Variants in SLC4A4 observed in about 807,000 individuals in gnomAD.
The protein encoded by SLC4A4 is solute carrier family 4 member 4.
Under a neutral mutation model 111.5 loss-of-function variants are expected in SLC4A4, and 27 were observed. The ratio of observed to expected loss-of-function variants is 0.24; its 90% confidence interval spans 0.18 to 0.33. SLC4A4 has a LOEUF of 0.33. Among genes scored for constraint, SLC4A4 ranks in the 10% least tolerant of loss-of-function variants. The pLI, the probability that SLC4A4 is intolerant of heterozygous loss-of-function variation, is 1.00. For synonymous variants in SLC4A4, 443 were observed against 463.4 expected (o/e 0.96, Z 0.57); for missense variants, 909 against 1,315.5 (o/e 0.69, Z 4.78).
chr4:71,497,577 A>T lies in SLC4A4; in HGVS notation c.2051A>T (p.Asn684Ile), dbSNP rs35891845. ...AAATACGGAGGAAACCTCGTCGGGA[A>T]CAACTGTAATTTTGTTCCTGATATC... The part of the protein sequence containing the change: ...CSKYGGNLVG[N>I]NCNFVPDITL... Residue 684 changes from asparagine (N) to isoleucine (I), a missense_variant, in exon 16 of 26, where the codon AAC becomes ATC. Asn to Ile is a moderately radical substitution (Grantham distance 149). Around this residue, in one of 7 missense-constraint regions of SLC4A4, gnomAD observed 264 missense variants for 356.8 expected, o/e 0.74. Coordinates refer to ENST00000264485, the MANE Select transcript of SLC4A4 (RefSeq NM_001098484.3). 2.1e-3 allele frequency: 3,340 copies of T among 1,613,596 alleles called. 7 individuals are homozygous for T. The highest frequency in any genetic ancestry group is 2.6e-3 in the Non-Finnish European group (3,074 of 1,179,740).
chr4:71,252,879 A>G (rs1158597124), intron 2 of SLC4A4, among the ~76,000 whole-genome samples: 2 of 152,158 alleles, frequency 1.3e-5, no homozygotes, highest in Non-Finnish European at 2.9e-5. Flanking sequence ...CATTAAAATG[A>G]GTGGATTTTA....
At chr4:71,437,004 T>C in intron 7 of SLC4A4, 1 of 363,984 alleles carries the variant, frequency 2.7e-6, no homozygotes, top group Non-Finnish European at 5.3e-6. Context: ...TACTTTCTGT[T>C]AAATCAGCTA....
chr4:71,325,738 C>T (rs970751188), intron 3 of SLC4A4, among the ~76,000 whole-genome samples: 2 of 151,934 alleles, frequency 1.3e-5, no homozygotes, highest in African/African-American at 4.8e-5. Context: ...TCTCATTGCT[C>T]AGACCTGGGT....
At chr4:71,535,982 CA>C (rs1262821758) in intron 18 of SLC4A4, among the ~76,000 whole-genome samples, 3 of 152,076 alleles carry the variant, frequency 2.0e-5, no homozygotes, top group Non-Finnish European at 4.4e-5. Context: ...GTTGCAAATT[CA>C]GTTGGAAAAT....
chr4:71,545,594 G>T (rs1484347950), intron 18 of SLC4A4, among the ~76,000 whole-genome samples: 1 of 151,898 alleles, frequency 6.6e-6, no homozygotes, highest in African/African-American at 2.4e-5. Flanking sequence ...TTGTTACATT[G>T]TCTGCTCTTC....
At chr4:71,197,201 C>T (rs561267931) in intron 1 of SLC4A4, among the ~76,000 whole-genome samples, 86 of 152,062 alleles carry the variant, frequency 5.7e-4, no homozygotes, top group African/African-American at 1.3e-3. Context: ...GGCGACAGAG[C>T]GAGATTCCGT....
chr4:71,230,204 G>A (rs1719324959), intron 1 of SLC4A4, among the ~76,000 whole-genome samples: 1 of 152,170 alleles, frequency 6.6e-6, no homozygotes. Context: ...AGTACTGATT[G>A]TTATATTCTG....
chr4:71,416,249 T>C (rs979548744), intron 7 of SLC4A4, among the ~76,000 whole-genome samples: 4 of 152,322 alleles, frequency 2.6e-5, no homozygotes, highest in Non-Finnish European at 5.9e-5. Flanking sequence ...GAGTGAGGTA[T>C]GTTCCAAAAC....
intron 2 of SLC4A4, among the ~76,000 whole-genome samples, chr4:71,172,460 T>A (rs1442772928): frequency 6.6e-6 from 1 of 152,112 alleles, no homozygotes; most frequent in Non-Finnish European, 1.5e-5. Flanking sequence ...TTCACCATGT[T>A]GGCCAGGATG....
chr4:71,154,088 T>TA (rs1473490451), intron 2 of SLC4A4, among the ~76,000 whole-genome samples: 3 of 152,210 alleles, frequency 2.0e-5, no homozygotes, highest in Non-Finnish European at 4.4e-5. Context: ...AGGTGACCTC[T>TA]AAAAGGTCTA....
At chr4:71,506,662 A>G (rs1036915470) in intron 16 of SLC4A4, among the ~76,000 whole-genome samples, 28 of 152,078 alleles carry the variant, frequency 1.8e-4, no homozygotes, top group Non-Finnish European at 2.9e-5. Flanking sequence ...CCAGTTTGGA[A>G]AACGCATTTC....
chr4:71,219,414 C>T (rs565258153), intron 1 of SLC4A4, among the ~76,000 whole-genome samples: 6 of 152,228 alleles, frequency 3.9e-5, no homozygotes, highest in Middle Eastern at 6.8e-3. Flanking sequence ...TTAAGCTCAC[C>T]GTTGAGACCT....
At chr4:71,526,020 A>G (rs897990377) in intron 16 of SLC4A4, among the ~76,000 whole-genome samples, 1 of 152,058 alleles carries the variant, frequency 6.6e-6, no homozygotes, top group African/African-American at 2.4e-5. Context: ...TGTATCTAGT[A>G]GACTATGTAC....
chr4:71,439,119 C>T (rs987838579), intron 7 of SLC4A4, among the ~76,000 whole-genome samples: 45 of 151,704 alleles, frequency 3.0e-4, no homozygotes, highest in African/African-American at 1.1e-3. Flanking sequence ...CTCTGGTGTC[C>T]ACTGTAACAG....
chr4:71,401,779 T>G (rs568745381), intron 7 of SLC4A4, among the ~76,000 whole-genome samples: 1 of 152,216 alleles, frequency 6.6e-6, no homozygotes, highest in Non-Finnish European at 1.5e-5. Flanking sequence ...TTTTCCAGGT[T>G]TATTAATAAT....
At chr4:71,453,046 G>T (rs529716669) in intron 11 of SLC4A4, among the ~76,000 whole-genome samples, 3 of 152,274 alleles carry the variant, frequency 2.0e-5, no homozygotes, top group African/African-American at 7.2e-5. Flanking sequence ...GTGCCAGAGT[G>T]TGGGCATATC....
At chr4:71,484,909 T>C (rs546563820) in intron 14 of SLC4A4, among the ~76,000 whole-genome samples, 1 of 151,960 alleles carries the variant, frequency 6.6e-6, no homozygotes, top group East Asian at 1.9e-4. Context: ...TTTATTCTTT[T>C]TGTGGCAATT....
At chr4:71,193,350 A>G (rs2579363) in intron 1 of SLC4A4, among the ~76,000 whole-genome samples, 150,562 of 151,200 alleles carry the variant, frequency 1, 74,970 homozygotes, top group Middle Eastern at 1. Context: ...TAGTAGAGAC[A>G]GGGTTTCACC....
At chr4:71,176,564 G>A (rs564015230) in intron 2 of SLC4A4, among the ~76,000 whole-genome samples, 1 of 152,218 alleles carries the variant, frequency 6.6e-6, no homozygotes, top group Non-Finnish European at 1.5e-5. Flanking sequence ...TGATCAACTG[G>A]AAGAAAGGGT....
Sources: allele counts gnomAD v4.1 joint callset (sites outside exome capture counted in the v4.1 genomes callset), GRCh38; gene constraint gnomAD v4.1.1; regional missense constraint gnomAD v4.1.1; transcripts MANE v1.5; gene names NCBI Gene and HGNC (gene_info 2026-07-23, HGNC 2026-07-21).